PDE4D: variants seen among roughly 807,000 people sequenced by gnomAD.
PDE4D encodes the protein phosphodiesterase 4D, also known as 3',5'-cyclic-AMP phosphodiesterase 4D.
In PDE4D, 24 loss-of-function variants were observed where a neutral mutation model predicts 87.4. The ratio of observed to expected loss-of-function variants is 0.27; its 90% CI spans 0.20 to 0.39. The LOEUF is 0.39. PDE4D is among the 10% of genes least tolerant of loss of function. The pLI, the probability that PDE4D is intolerant of heterozygous loss-of-function variation, is 1.00. For missense variants in PDE4D, 714 were observed against 1,041.0 expected (o/e 0.69, Z 4.32); for synonymous variants, 384 against 383.2 (o/e 1.00, Z -0.02).
At chr5:60,137,003 C>T (rs1308520895) in intron 2 of PDE4D, among the ~76,000 whole-genome samples, 1 of 152,036 alleles carries the variant, frequency 6.6e-6, no homozygotes, top group Non-Finnish European at 1.5e-5. Context: ...GTATTGTTTC[C>T]CCACTCCCAA....
chr5:60,389,675 C>T (rs998760662), intron 1 of PDE4D, among the ~76,000 whole-genome samples: 2 of 152,176 alleles, frequency 1.3e-5, no homozygotes, highest in African/African-American at 2.4e-5. Flanking sequence ...GACTCTCACA[C>T]ATGGCTGACT....
At chr5:59,602,398 T>C (rs1224876783) in intron 1 of PDE4D, among the ~76,000 whole-genome samples, 1 of 152,048 alleles carries the variant, frequency 6.6e-6, no homozygotes, top group Non-Finnish European at 1.5e-5. Context: ...CTATTCATTA[T>C]AATAGAAATT....
At chr5:59,144,880 T>C (rs1381145251) in intron 5 of PDE4D, among the ~76,000 whole-genome samples, 2 of 48,220 alleles carry the variant, frequency 4.1e-5, no homozygotes, top group East Asian at 7.1e-4. Context: ...TTCCCTTTAA[T>C]AGGGTTTAAT....
chr5:59,676,241 T>C (rs889326251), intron 1 of PDE4D, among the ~76,000 whole-genome samples: 1 of 152,216 alleles, frequency 6.6e-6, no homozygotes, highest in Non-Finnish European at 1.5e-5. Context: ...TTTAAGTAAC[T>C]AGTTTTAATC....
At chr5:59,943,723 C>A (rs912624390) in intron 3 of PDE4D, among the ~76,000 whole-genome samples, 1 of 152,210 alleles carries the variant, frequency 6.6e-6, no homozygotes, top group Non-Finnish European at 1.5e-5. Context: ...TGAACTCTCT[C>A]CTGAATCTGG....
intron 1 of PDE4D, among the ~76,000 whole-genome samples, chr5:60,224,146 C>T (rs1744822626): frequency 1.3e-5 from 2 of 152,084 alleles, no homozygotes; most frequent in African/African-American, 4.8e-5. Flanking sequence ...AGAGGCTCCC[C>T]TGAGGTCCTT....
rs149919557 is a variant in PDE4D at position 59,078,390 on chromosome 5, T to C, written c.809-39419A>G. 2.6e-5 allele frequency among the ~76,000 whole-genome samples: 4 copies of C among 152,286 alleles called. No individual in the cohort carries two copies. In the East Asian group the frequency reaches 5.8e-4, roughly 22 times the overall value. The stretch of plus-strand genomic sequence containing the variant: ...AATTACCCCTAATTCTAAATGTTCA[T>C]ATATATAAATATTCAGTTAAAAATT... On this transcript the variant is annotated intron_variant, in intron 5 of 14. Coordinates refer to ENST00000340635, the MANE Select transcript of PDE4D (RefSeq NM_001104631.2).
intron 1 of PDE4D, among the ~76,000 whole-genome samples, chr5:59,220,253 A>G: frequency 6.6e-6 from 1 of 151,874 alleles, no homozygotes; most frequent in East Asian, 1.9e-4. Flanking sequence ...ACAGTAGCTC[A>G]TGCCTGTAAT....
chr5:59,122,036 G>A (rs1458762063), intron 5 of PDE4D, among the ~76,000 whole-genome samples: 1 of 150,772 alleles, frequency 6.6e-6, no homozygotes, highest in East Asian at 2.0e-4. Context: ...CAGCTACTTG[G>A]GAGGCTGAGG....
chr5:59,832,438 A>G (rs940916507), intron 1 of PDE4D, among the ~76,000 whole-genome samples: 54 of 152,238 alleles, frequency 3.5e-4, no homozygotes, highest in South Asian at 1.4e-3. Flanking sequence ...TTATGACACC[A>G]GACTGCAAGA....
intron 1 of PDE4D, among the ~76,000 whole-genome samples, chr5:60,463,792 T>C (rs1362836893): frequency 6.6e-6 from 1 of 152,176 alleles, no homozygotes; most frequent in Non-Finnish European, 1.5e-5. Flanking sequence ...TGTCCTTTCC[T>C]GCCATGGCCA....
intron 1 of PDE4D, among the ~76,000 whole-genome samples, chr5:59,821,343 T>C (rs3111174): frequency 0.13 from 19,974 of 152,230 alleles, 1,604 homozygotes; most frequent in Middle Eastern, 0.23. Context: ...ACAAGATTAC[T>C]CGCTAAGTTA....
At chr5:60,207,588 A>G (rs2149562747) in intron 1 of PDE4D, among the ~76,000 whole-genome samples, 1 of 152,352 alleles carries the variant, frequency 6.6e-6, no homozygotes. Flanking sequence ...TTTCAGTTCA[A>G]ATAGGAATAA....
chr5:59,303,793 C>T (rs1770738631), intron 1 of PDE4D, among the ~76,000 whole-genome samples: 1 of 152,128 alleles, frequency 6.6e-6, no homozygotes, highest in Admixed American at 6.5e-5. Flanking sequence ...GTGACTATGG[C>T]CTTATAGTAT....
At chr5:59,653,099 TATC>T (rs1039962394) in intron 1 of PDE4D, among the ~76,000 whole-genome samples, 2 of 151,948 alleles carry the variant, frequency 1.3e-5, no homozygotes, top group African/African-American at 4.8e-5. Flanking sequence ...AACTGAAAGA[TATC>T]ATCCAACATT....
At chr5:60,212,698 C>G (rs1050098160) in intron 1 of PDE4D, among the ~76,000 whole-genome samples, 1 of 152,224 alleles carries the variant, frequency 6.6e-6, no homozygotes, top group Non-Finnish European at 1.5e-5. Context: ...AATGCTAGAT[C>G]TGTCCCCACT....
intron 1 of PDE4D, among the ~76,000 whole-genome samples, chr5:60,464,752 C>T (rs193241569): frequency 3.3e-5 from 5 of 152,236 alleles, no homozygotes; most frequent in Admixed American, 2.0e-4. Context: ...CAAATTTCCA[C>T]TCATCATACT....
At chr5:60,091,226 G>A (rs76935923) in intron 2 of PDE4D, among the ~76,000 whole-genome samples, 48 of 152,282 alleles carry the variant, frequency 3.2e-4, no homozygotes, top group Admixed American at 9.1e-4. Context: ...CCTGTTAAAT[G>A]AGAGAAAATA....
intron 2 of PDE4D, among the ~76,000 whole-genome samples, chr5:60,129,962 G>A (rs1445628615): frequency 1.3e-5 from 2 of 152,084 alleles, no homozygotes; most frequent in African/African-American, 4.8e-5. Flanking sequence ...AGGGCCTGGG[G>A]GGTGATTATA....
Sources: allele counts gnomAD v4.1 joint callset (sites outside exome capture counted in the v4.1 genomes callset), GRCh38; gene constraint gnomAD v4.1.1; transcripts MANE v1.5; gene names NCBI Gene and HGNC (gene_info 2026-07-23, HGNC 2026-07-21).